LRRC4C: variants seen among roughly 807,000 people sequenced by gnomAD.
LRRC4C encodes leucine-rich repeat-containing protein 4C.
In LRRC4C, 5 loss-of-function variants were observed where a neutral mutation model predicts 33.6. The observed-to-expected ratio is 0.15, with a 90% CI of 0.08 to 0.31. The LOEUF is 0.31. Among genes scored for constraint, LRRC4C ranks in the 10% least tolerant of loss-of-function variants. The pLI is 1.00. For missense variants in LRRC4C, 560 were observed against 796.7 expected, an observed-to-expected ratio of 0.70 and a Z score of 3.58; for synonymous variants, 329 against 302.0, an observed-to-expected ratio of 1.09 and a Z score of -0.93.
intron 2 of LRRC4C, among the ~76,000 whole-genome samples, chr11:40,831,377 C>A (rs901608826): frequency 8.6e-5 from 13 of 151,940 alleles, no homozygotes; most frequent in African/African-American, 2.9e-4. Context: ...GAAATAGACC[C>A]ACTCAATACT....
intron 4 of LRRC4C, among the ~76,000 whole-genome samples, chr11:40,285,916 C>T (rs951254256): frequency 6.6e-6 from 1 of 152,096 alleles, no homozygotes; most frequent in Non-Finnish European, 1.5e-5. Flanking sequence ...TGCTATACAA[C>T]CTTAGACAAA....
At chr11:40,614,308 T>C (rs565253697) in intron 3 of LRRC4C, among the ~76,000 whole-genome samples, 1 of 152,046 alleles carries the variant, frequency 6.6e-6, no homozygotes, top group East Asian at 1.9e-4. Flanking sequence ...CACTTGCTGC[T>C]TCACCTTGCA....
chr11:41,427,783 T>A (rs1955092278), intron 1 of LRRC4C, among the ~76,000 whole-genome samples: 1 of 152,130 alleles, frequency 6.6e-6, no homozygotes, highest in African/African-American at 2.4e-5. Context: ...TTAAATGGCC[T>A]GTTCCTGCCT....
rs77633645 is a variant in LRRC4C, at chr11:41,152,052, C to T, written c.-495-218329G>A. ...TTTTATCTGTGAACTTCATGGACCA[C>T]GAACTCCCTTGTTCTCTGTTCACTG... On this transcript the variant is annotated intron_variant, in intron 1 of 6. Transcript: ENST00000528697. Among the ~76,000 whole-genome samples, 544 of 152,284 alleles carry T rather than the reference C, an allele frequency of 3.6e-3. 4 individuals are homozygous for T. Among genetic ancestry groups the T allele is most frequent in the African/African-American group, 0.012 (515 of 41,560 alleles).
At chr11:41,146,771 A>T (rs1386651369) in intron 1 of LRRC4C, among the ~76,000 whole-genome samples, 3 of 152,226 alleles carry the variant, frequency 2.0e-5, no homozygotes, top group Non-Finnish European at 2.9e-5. Flanking sequence ...TAAAACAAAT[A>T]AAAAAATACA....
intron 1 of LRRC4C, among the ~76,000 whole-genome samples, chr11:41,057,001 G>A (rs1302415010): frequency 6.6e-6 from 1 of 152,170 alleles, no homozygotes; most frequent in Non-Finnish European, 1.5e-5. Context: ...GCTGCAAACT[G>A]GACATCCCTG....
chr11:40,306,461 A>G (rs1945036045), intron 4 of LRRC4C, among the ~76,000 whole-genome samples: 1 of 152,124 alleles, frequency 6.6e-6, no homozygotes, highest in Admixed American at 6.5e-5. Flanking sequence ...ACACACCCAC[A>G]CATTCATTTA....
At chr11:41,412,293 T>C (rs1954517494) in intron 1 of LRRC4C, among the ~76,000 whole-genome samples, 1 of 152,226 alleles carries the variant, frequency 6.6e-6, no homozygotes. Context: ...ACATTTATTT[T>C]AATGCTTAAT....
intron 1 of LRRC4C, among the ~76,000 whole-genome samples, chr11:40,973,048 G>A (rs989115755): frequency 6.6e-6 from 1 of 152,128 alleles, no homozygotes. Context: ...CTCCAGTCAT[G>A]TGAGACATTC....
intron 2 of LRRC4C, among the ~76,000 whole-genome samples, chr11:40,859,053 T>C (rs2135818895): frequency 6.6e-6 from 1 of 152,302 alleles, no homozygotes; most frequent in South Asian, 2.1e-4. Flanking sequence ...AAGCTAAGAA[T>C]ATCAAAATAG....
chr11:40,430,218 G>A lies in LRRC4C; in HGVS notation c.-269-110497C>T, dbSNP rs190714690. ...TTAGCTTAAAATCACTGTGCAGTAG[G>A]GGGGCACTGATAAGGAATCTCAGAA... is the stretch of plus-strand genomic sequence containing the variant. On this transcript the variant is annotated intron_variant, in intron 3 of 6. Transcript: ENST00000528697. Among the ~76,000 whole-genome samples the A allele has an allele frequency of 1.8e-4, 26 of 146,940 alleles. No homozygotes were observed. The East Asian group carries it at 5.6e-3, about 31-fold the overall frequency.
intron 1 of LRRC4C, among the ~76,000 whole-genome samples, chr11:41,160,454 A>C (rs1445840763): frequency 4.6e-5 from 7 of 152,026 alleles, no homozygotes; most frequent in Admixed American, 2.6e-4. Context: ...ACCACTAGAA[A>C]TTTTTATCAA....
intron 1 of LRRC4C, among the ~76,000 whole-genome samples, chr11:41,100,947 C>T (rs1590579407): frequency 1.3e-5 from 2 of 152,234 alleles, no homozygotes; most frequent in Admixed American, 1.3e-4. Context: ...GGAAAAAGGA[C>T]TCCTTATTAA....
At chr11:40,486,823 A>T (rs1484957365) in intron 3 of LRRC4C, among the ~76,000 whole-genome samples, 3 of 152,034 alleles carry the variant, frequency 2.0e-5, no homozygotes, top group African/African-American at 4.8e-5. Context: ...TTTTATTATG[A>T]TTGCCTATAT....
At chr11:40,415,049 T>G (rs1321966252) in intron 3 of LRRC4C, among the ~76,000 whole-genome samples, 1 of 152,224 alleles carries the variant, frequency 6.6e-6, no homozygotes, top group African/African-American at 2.4e-5. Context: ...TGCCCAGCCA[T>G]GTATTCCATC....
chr11:41,328,168 G>A (rs1172433285), intron 1 of LRRC4C, among the ~76,000 whole-genome samples: 2 of 151,926 alleles, frequency 1.3e-5, no homozygotes, highest in African/African-American at 4.8e-5. Context: ...TCTTTCCTGT[G>A]GGCTAACTTC....
chr11:41,087,492 A>T (rs1218205551), intron 1 of LRRC4C, among the ~76,000 whole-genome samples: 1 of 151,990 alleles, frequency 6.6e-6, no homozygotes, highest in Non-Finnish European at 1.5e-5. Context: ...TTAATTTGGT[A>T]TATGTTAGTA....
At chr11:41,222,331 C>T (rs1338850261) in intron 1 of LRRC4C, among the ~76,000 whole-genome samples, 2 of 152,132 alleles carry the variant, frequency 1.3e-5, no homozygotes, top group Admixed American at 6.5e-5. Context: ...ACCCAGCAGG[C>T]TGACTTTCCA....
At chr11:41,433,348 G>A (rs1955308695) in intron 1 of LRRC4C, among the ~76,000 whole-genome samples, 1 of 151,974 alleles carries the variant, frequency 6.6e-6, no homozygotes, top group Admixed American at 6.6e-5. Flanking sequence ...TTCATGATAT[G>A]TTTAAATCAA....
Sources: allele counts gnomAD v4.1 joint callset (sites outside exome capture counted in the v4.1 genomes callset), GRCh38; gene constraint gnomAD v4.1.1; transcripts MANE v1.5; gene names NCBI Gene and HGNC (gene_info 2026-07-23, HGNC 2026-07-21).